The following ALK variants were observed in gnomAD, a reference collection of about 807,000 sequenced individuals.
ALK encodes ALK receptor tyrosine kinase.
A neutral mutation model predicts 163.1 loss-of-function variants in ALK; 74 were observed. That is an observed-to-expected ratio of 0.45 (90% confidence interval 0.38 to 0.55). ALK has a LOEUF of 0.55. Ranked by LOEUF, ALK falls within the 20% of genes least tolerant of loss-of-function variation. The pLI is 0.00. For missense variants in ALK, 2,063 were observed against 2,105.3 expected, an observed-to-expected ratio of 0.98 and a Z score of 0.39; for synonymous variants, 960 against 843.2, an observed-to-expected ratio of 1.14 and a Z score of -2.40.
Position 29,733,258 on chromosome 2 carries a change from A to C in ALK, c.668-15561T>G, listed in dbSNP as rs12475481. On this transcript the variant is annotated intron_variant, in intron 1 of 28. Coordinates refer to ENST00000389048, the MANE Select transcript of ALK (RefSeq NM_004304.5). Reference sequence around the variant, plus strand: ...TCTGCTGGTATCACCCAGAAGAATGAAATGGCAGCCAGGTCTTCTTATAGC... The same window carrying C: ...TCTGCTGGTATCACCCAGAAGAATGCAATGGCAGCCAGGTCTTCTTATAGC... 5.2e-3 allele frequency among the ~76,000 whole-genome samples: 798 copies of C among 152,338 alleles called. 13 individuals carry two copies. Among genetic ancestry groups the C allele is most frequent in the Admixed American group, 0.034 (520 of 15,294 alleles).
chr2:29,711,143 A>G (rs1679086560), intron 2 of ALK, among the ~76,000 whole-genome samples: 1 of 151,926 alleles, frequency 6.6e-6, no homozygotes. Context: ...TTTCTTTTCC[A>G]TCCTATGCCT....
At chr2:29,423,004 G>A (rs4315478) in intron 4 of ALK, among the ~76,000 whole-genome samples, 142,739 of 151,780 alleles carry the variant, frequency 0.94, 67,478 homozygotes, top group Non-Finnish European at 0.99. Context: ...GGAGATGAGC[G>A]TGGGTAAGGA....
rs150379408 is a variant in ALK, at chr2:29,822,901, G to A, written c.667+97092C>T. ...TCTCTCAGTTCTGGCTTTTATTTCC[G>A]AATTCAATGATTCTACATGGAGGGA... On this transcript the variant is annotated intron_variant, in intron 1 of 28. Transcript: ENST00000389048. Among the ~76,000 whole-genome samples, 28 of 152,260 alleles carry A rather than the reference G, an allele frequency of 1.8e-4. No individual in the cohort carries two copies. In the East Asian group the frequency reaches 3.7e-3, roughly 20 times the overall value.
chr2:29,442,848 A>G (rs974745840), intron 4 of ALK, among the ~76,000 whole-genome samples: 2 of 152,246 alleles, frequency 1.3e-5, no homozygotes, highest in African/African-American at 4.8e-5. Flanking sequence ...TTGTAAAAAC[A>G]TAGTGTTAGA....
rs558745542 is a variant in ALK at position 29,274,108 on chromosome 2, A to G, written c.2041+991T>C. Among the ~76,000 whole-genome samples the G allele has an allele frequency of 3.9e-5, 6 of 152,332 alleles. No individual in the cohort carries two copies. In the East Asian group the frequency reaches 1.2e-3, roughly 29 times the overall value. On this transcript the variant is annotated intron_variant, in intron 11 of 28. Coordinates refer to ENST00000389048, the MANE Select transcript of ALK (RefSeq NM_004304.5). ...ATCAGGCAGGAATCAGGAAGGGGTGACGGTTAGCCCTGGGGCAGCTTTTCA... is the reference window on the plus strand; with the variant it reads ...ATCAGGCAGGAATCAGGAAGGGGTGGCGGTTAGCCCTGGGGCAGCTTTTCA...
At chr2:29,366,131 A>T (rs979645016) in intron 5 of ALK, among the ~76,000 whole-genome samples, 2 of 152,116 alleles carry the variant, frequency 1.3e-5, no homozygotes, top group African/African-American at 4.8e-5. Context: ...CTAAACTTTG[A>T]ATATCTGGAA....
chr2:29,835,338 A>G (rs1478640281), intron 1 of ALK, among the ~76,000 whole-genome samples: 2 of 152,218 alleles, frequency 1.3e-5, no homozygotes, highest in African/African-American at 4.8e-5. Flanking sequence ...ATCTGAGAGT[A>G]CTGAAACCAC....
At chr2:29,883,736 A>G (rs2148420082) in intron 1 of ALK, among the ~76,000 whole-genome samples, 1 of 152,340 alleles carries the variant, frequency 6.6e-6, no homozygotes, top group South Asian at 2.1e-4. Flanking sequence ...CCTTTGAACA[A>G]CAGGAGTTTG....
chr2:29,518,009 G>T (rs1672716755), intron 4 of ALK, among the ~76,000 whole-genome samples: 1 of 152,142 alleles, frequency 6.6e-6, no homozygotes, highest in Non-Finnish European at 1.5e-5. Flanking sequence ...TTCTCACCTA[G>T]TTCAAGCCCT....
At chr2:29,819,764 T>G (rs1664995328) in intron 1 of ALK, among the ~76,000 whole-genome samples, 1 of 152,218 alleles carries the variant, frequency 6.6e-6, no homozygotes. Context: ...ATGTTTCAGC[T>G]CCTGTGCTAG....
At chr2:29,797,000 CCACACACACACA>C (rs34846199) in intron 1 of ALK, among the ~76,000 whole-genome samples, 2 of 144,606 alleles carry the variant, frequency 1.4e-5, no homozygotes, top group African/African-American at 2.5e-5. Flanking sequence ...GCACGCACAC[CCACACACACACA>C]CACACACACA....
intron 2 of ALK, among the ~76,000 whole-genome samples, chr2:29,712,844 T>C (rs899714694): frequency 1.3e-5 from 2 of 152,212 alleles, no homozygotes; most frequent in African/African-American, 4.8e-5. Context: ...ATTATTTTGT[T>C]GTGCTTAGAT....
In ALK at chr2:29,528,080, C is replaced by T. The variant is rs115163026; in HGVS notation, c.1154+3835G>A. Reference sequence around the variant, plus strand: ...AAGCCTGAGTTTCCTCAACGACTTCCGGTTTAAAATATCTTTTCAAGTATT... The same window carrying T: ...AAGCCTGAGTTTCCTCAACGACTTCTGGTTTAAAATATCTTTTCAAGTATT... On this transcript the variant is annotated intron_variant, in intron 4 of 28. Coordinates refer to ENST00000389048, the MANE Select transcript of ALK (RefSeq NM_004304.5). Among the ~76,000 whole-genome samples the T allele has an allele frequency of 9.2e-3, 1,404 of 152,310 alleles. 10 individuals are homozygous for T. The highest frequency in any genetic ancestry group is 0.024 in the African/African-American group (990 of 41,566).
intron 3 of ALK, among the ~76,000 whole-genome samples, chr2:29,686,788 T>A (rs1472752081): frequency 6.6e-6 from 1 of 152,196 alleles, no homozygotes; most frequent in African/African-American, 2.4e-5. Context: ...TGAACAATAC[T>A]TCCCTGGAAG....
intron 1 of ALK, among the ~76,000 whole-genome samples, chr2:29,766,194 T>A (rs773712360): frequency 6.6e-6 from 1 of 152,216 alleles, no homozygotes; most frequent in Non-Finnish European, 1.5e-5. Flanking sequence ...TACAAACAGA[T>A]CTGTGTGGAC....
At chr2:29,531,695 C>G (rs1673123351) in intron 4 of ALK, among the ~76,000 whole-genome samples, 1 of 152,198 alleles carries the variant, frequency 6.6e-6, no homozygotes, top group African/African-American at 2.4e-5. Flanking sequence ...AGCTGGTCCT[C>G]TGGCTTCTGG....
chr2:29,601,953 T>G, intron 3 of ALK, among the ~76,000 whole-genome samples: 1 of 149,434 alleles, frequency 6.7e-6, no homozygotes, highest in Non-Finnish European at 1.5e-5. Context: ...CACCTGAAGG[T>G]GGGGGCGGGG....
intron 3 of ALK, among the ~76,000 whole-genome samples, chr2:29,602,561 T>C (rs1675409441): frequency 6.6e-6 from 1 of 152,110 alleles, no homozygotes; most frequent in East Asian, 1.9e-4. Flanking sequence ...AACAAGGTGG[T>C]GGTAGAACAA....
intron 4 of ALK, among the ~76,000 whole-genome samples, chr2:29,400,039 T>C (rs761074771): frequency 1.2e-4 from 18 of 152,312 alleles, no homozygotes; most frequent in Non-Finnish European, 2.5e-4. Context: ...TCATCCATGA[T>C]GACTTGGCTC....
Sources: allele counts gnomAD v4.1 joint callset (sites outside exome capture counted in the v4.1 genomes callset), GRCh38; gene constraint gnomAD v4.1.1; transcripts MANE v1.5; gene names NCBI Gene and HGNC (gene_info 2026-07-23, HGNC 2026-07-21).